AKAP19: variants seen among roughly 807,000 people sequenced by gnomAD.
AKAP19 encodes small A-kinase anchoring protein.
chr2:190,083,041 A>G, the AKAP19 span, among the ~76,000 whole-genome samples: 1 of 152,170 alleles, frequency 6.6e-6, no homozygotes, highest in South Asian at 2.1e-4. Context: ...TAACATATGT[A>G]TTATCTCACA....
the AKAP19 span, among the ~76,000 whole-genome samples, chr2:190,130,486 C>CA: frequency 6.6e-6 from 1 of 152,066 alleles, no homozygotes; most frequent in Non-Finnish European, 1.5e-5. Flanking sequence ...AGTTGCAATG[C>CA]AAAAAAATTT....
At chr2:189,919,478 T>C in the AKAP19 span, among the ~76,000 whole-genome samples, 1 of 151,672 alleles carries the variant, frequency 6.6e-6, no homozygotes, top group Admixed American at 6.6e-5. Context: ...GTTTGTTACA[T>C]AGGTATAGGA....
chr2:190,059,056 G>A, the AKAP19 span, among the ~76,000 whole-genome samples: 1 of 151,422 alleles, frequency 6.6e-6, no homozygotes, highest in Non-Finnish European at 1.5e-5. Context: ...AAAAAATATT[G>A]TATAGTATTT....
chr2:190,154,800 G>A, the AKAP19 span, among the ~76,000 whole-genome samples: 2 of 152,210 alleles, frequency 1.3e-5, no homozygotes, highest in Non-Finnish European at 2.9e-5. Context: ...CACTCTTAGG[G>A]AGAAGTTACA....
the AKAP19 span, among the ~76,000 whole-genome samples, chr2:189,968,648 G>T: frequency 2.0e-5 from 3 of 152,098 alleles, no homozygotes; most frequent in Non-Finnish European, 4.4e-5. Flanking sequence ...AAAATAAAAG[G>T]GTGCAGAAAG....
chr2:190,144,149 T>A, the AKAP19 span, among the ~76,000 whole-genome samples: 1 of 145,940 alleles, frequency 6.9e-6, no homozygotes, highest in African/African-American at 2.5e-5. Flanking sequence ...TGTGCACATG[T>A]ACCCTAAAAC....
chr2:190,193,573 T>C, the AKAP19 span, among the ~76,000 whole-genome samples: 7 of 152,320 alleles, frequency 4.6e-5, no homozygotes, highest in African/African-American at 1.7e-4. Flanking sequence ...ATTTCTTTAA[T>C]TGATGTAGGG....
chr2:190,159,235 G>A, the AKAP19 span, among the ~76,000 whole-genome samples: 57,260 of 151,922 alleles, frequency 0.38, 12,619 homozygotes, highest in East Asian at 0.73. Context: ...CCAGGCACTT[G>A]GACCTGCCTC....
chr2:190,114,647 G>A, the AKAP19 span, among the ~76,000 whole-genome samples: 1 of 152,056 alleles, frequency 6.6e-6, no homozygotes, highest in South Asian at 2.1e-4. Context: ...TAGTAGAGAC[G>A]GGGTTTCACC....
the AKAP19 span, among the ~76,000 whole-genome samples, chr2:189,992,944 C>A: frequency 6.6e-6 from 1 of 152,142 alleles, no homozygotes; most frequent in Non-Finnish European, 1.5e-5. Context: ...TCTAGTTATA[C>A]AATCATATCA....
At chr2:190,012,633 C>T in the AKAP19 span, among the ~76,000 whole-genome samples, 1 of 152,178 alleles carries the variant, frequency 6.6e-6, no homozygotes, top group Non-Finnish European at 1.5e-5. Flanking sequence ...CTGGTAAGAA[C>T]TTTCAGTACA....
the AKAP19 span, among the ~76,000 whole-genome samples, chr2:189,926,668 C>T: frequency 1.4e-5 from 2 of 144,152 alleles, no homozygotes; most frequent in African/African-American, 2.6e-5. Context: ...GCAAGCTCTG[C>T]CTCCCAGGTT....
the AKAP19 span, among the ~76,000 whole-genome samples, chr2:189,983,725 T>A: frequency 6.6e-6 from 1 of 152,202 alleles, no homozygotes; most frequent in Non-Finnish European, 1.5e-5. Context: ...AACCCATTGG[T>A]CCCTTGTGCT....
chr2:189,897,238 G>A, the AKAP19 span, among the ~76,000 whole-genome samples: 8 of 151,920 alleles, frequency 5.3e-5, no homozygotes, highest in African/African-American at 1.9e-4. Flanking sequence ...CAATTAAAAA[G>A]CAAATCATTT....
the AKAP19 span, among the ~76,000 whole-genome samples, chr2:189,905,924 A>G: frequency 2.0e-5 from 3 of 152,030 alleles, no homozygotes; most frequent in African/African-American, 7.2e-5. Flanking sequence ...TTTGAATTGG[A>G]TTGCAGACAA....
At chr2:190,124,664 C>G in the AKAP19 span, among the ~76,000 whole-genome samples, 1 of 152,262 alleles carries the variant, frequency 6.6e-6, no homozygotes, top group South Asian at 2.1e-4. Context: ...AAGCTATGAT[C>G]AAACCACTGC....
chr2:189,978,258 T>A, the AKAP19 span, among the ~76,000 whole-genome samples: 2 of 152,228 alleles, frequency 1.3e-5, no homozygotes, highest in South Asian at 2.1e-4. Flanking sequence ...TCCCTCCTTT[T>A]GGAGTCCCCT....
the AKAP19 span, among the ~76,000 whole-genome samples, chr2:189,924,535 A>G: frequency 6.6e-6 from 1 of 152,190 alleles, no homozygotes; most frequent in Non-Finnish European, 1.5e-5. Flanking sequence ...ATCTCTTGTT[A>G]TGCAGGGAGT....
the AKAP19 span, among the ~76,000 whole-genome samples, chr2:189,898,891 A>G: frequency 3.9e-5 from 6 of 152,204 alleles, no homozygotes; most frequent in Non-Finnish European, 8.8e-5. Flanking sequence ...GTTCCTTGTT[A>G]TAGTCAACCT....
Sources: allele counts gnomAD v4.1 joint callset (sites outside exome capture counted in the v4.1 genomes callset), GRCh38; gene constraint gnomAD v4.1.1; transcripts MANE v1.5; gene names NCBI Gene and HGNC (gene_info 2026-07-23, HGNC 2026-07-21).